PRRC2A: variants seen among roughly 807,000 people sequenced by gnomAD.
PRRC2A encodes proline rich coiled-coil 2A.
PRRC2A carries 59 observed loss-of-function variants against 224.6 expected under a neutral mutation model. The ratio of observed to expected loss-of-function variants is 0.26; its 90% CI spans 0.21 to 0.33. PRRC2A has a LOEUF of 0.33. Ranked by LOEUF, PRRC2A falls within the 10% of genes least tolerant of loss-of-function variation. PRRC2A has a pLI of 1.00. For synonymous variants in PRRC2A, 1,194 were observed against 1,109.5 expected, an observed-to-expected ratio of 1.08 and a Z score of -1.51; for missense variants, 3,095 against 2,880.7, an observed-to-expected ratio of 1.07 and a Z score of -1.70.
rs372359057 is a variant in PRRC2A, at chr6:31,631,131, C to G, written c.2466-8C>G. On this transcript the variant is annotated splice_polypyrimidine_tract_variant and splice_region_variant and intron_variant, in intron 15 of 30. Transcript: ENST00000376033. This position sits in a 1 kb window ranked among gnomAD's most constrained non-coding sequence, Gnocchi z 4.5. ...ACTTATTTCCATTCTTTCTGTCTGTCTCTTCAGGAGCGAGACTCCTCCAGT... is the reference window on the plus strand; with the variant it reads ...ACTTATTTCCATTCTTTCTGTCTGTGTCTTCAGGAGCGAGACTCCTCCAGT... 1.3e-6 allele frequency: 2 copies of G among 1,483,316 alleles called. No homozygotes were observed. The highest frequency in any genetic ancestry group is 2.3e-5 in the Admixed American group (1 of 43,836). The allele number at this position is 1,483,316 out of a possible 1,614,324, so 91.9% of individuals were successfully genotyped here.
In PRRC2A at chr6:31,636,546, T is replaced by C. The variant is rs1777370358; in HGVS notation, c.5872T>C (p.Ser1958Pro). The C allele has an allele frequency of 1.2e-6, 2 of 1,609,460 alleles. No individual in the cohort carries two copies. Among genetic ancestry groups the C allele is most frequent in the Non-Finnish European group, 1.7e-6 (2 of 1,178,330 alleles). ...TCTGCCATCCCCTTCGGATTTTTAT[T>C]CTACTCCTCTGCAGCCTGGTGGCCA... ...QDLPSPSDFY[S>P]TPLQPGGQSG... The change falls in exon 27 of 31, where the codon TCT becomes CCT. Residue 1958 changes from serine (S) to proline (P), a missense_variant. Physicochemically the swap from Ser to Pro is moderately conservative, Grantham distance 74. Around this residue, in one of 8 missense-constraint regions of PRRC2A, gnomAD observed 662 missense variants for 609.5 expected, o/e 1.09. Transcript: ENST00000376033. The surrounding 1 kb of genome is among the most constrained non-coding windows in gnomAD (Gnocchi z 4.3).
rs1776024728 is a variant in PRRC2A at position 31,627,291 on chromosome 6, G to T, written c.1290+93G>T. The T allele has an allele frequency of 7.3e-6, 7 of 961,120 alleles. No individual in the cohort carries two copies. The highest frequency in any genetic ancestry group is 3.2e-5 in the South Asian group (2 of 62,374). The allele number at this position is 961,120 out of a possible 1,614,324, so 59.5% of individuals were successfully genotyped here. ...GCGGTTGTGATATAGAGGAAGGGGGGTGCTAAAAATGGGCTGTGTGAAGTG... is the reference window on the plus strand; with the variant it reads ...GCGGTTGTGATATAGAGGAAGGGGGTTGCTAAAAATGGGCTGTGTGAAGTG... On this transcript the variant is annotated intron_variant, in intron 11 of 30. Transcript: ENST00000376033. The surrounding 1 kb of genome is among the most constrained non-coding windows in gnomAD (Gnocchi z 5.6).
Position 31,632,804 on chromosome 6 carries a change from C to A in PRRC2A, c.4131C>A (p.Ala1377=), listed in dbSNP as rs766469871. ...CCCGCGGAGATCTGAGCCAGAGAGC[C>A]AAGGATTTGAGTAAACGGAGCTTCT... The part of the protein sequence containing the change: ...AMSRGDLSQR[A]KDLSKRSFSS... The change falls in exon 16 of 31, where the codon GCC becomes GCA. Residue 1377 remains alanine, a synonymous_variant. Coordinates refer to ENST00000376033, the MANE Select transcript of PRRC2A (RefSeq NM_004638.4). The A allele has an allele frequency of 1.2e-5, 19 of 1,612,984 alleles. No individual in the cohort carries two copies. The highest frequency in any genetic ancestry group is 1.4e-5 in the Non-Finnish European group (17 of 1,180,020).
At position 31,625,387 on chromosome 6, in the gene PRRC2A, T is replaced by G; in HGVS notation, c.607+73T>G. 1 of 1,612,778 alleles carries G rather than the reference T, an allele frequency of 6.2e-7. No homozygotes were observed. Among genetic ancestry groups the G allele is most frequent in the South Asian group, 1.1e-5 (1 of 91,040 alleles). ...CTAGGTGCTGGCTTATTCACCTTCCTCCCCATCACTTTCAGCTGTGTTCAC... is the reference window on the plus strand; with the variant it reads ...CTAGGTGCTGGCTTATTCACCTTCCGCCCCATCACTTTCAGCTGTGTTCAC... On this transcript the variant is annotated intron_variant, in intron 6 of 30. Transcript: ENST00000376033. This position sits in a 1 kb window ranked among gnomAD's most constrained non-coding sequence, Gnocchi z 4.1.
chr6:31,636,501 T>G lies in PRRC2A; in HGVS notation c.5836-9T>G, dbSNP rs764820193. 3 of 1,608,968 alleles carry G rather than the reference T, an allele frequency of 1.9e-6. No homozygotes were observed. The highest frequency in any genetic ancestry group is 2.2e-5 in the East Asian group (1 of 44,770). ...GGGGGTTGATATATTTCTCCCTGTT[T>G]CCCGACAGGTACGCCAGGATCTGCC... On this transcript the variant is annotated splice_polypyrimidine_tract_variant and intron_variant, in intron 26 of 30. Coordinates refer to ENST00000376033, the MANE Select transcript of PRRC2A (RefSeq NM_004638.4). This position sits in a 1 kb window ranked among gnomAD's most constrained non-coding sequence, Gnocchi z 4.3.
Position 31,631,159 on chromosome 6 carries a change from C to A in PRRC2A, c.2486C>A (p.Pro829His). The A allele has an allele frequency of 6.5e-7, 1 of 1,536,290 alleles. No homozygotes were observed. The highest frequency in any genetic ancestry group is 1.2e-5 in the South Asian group (1 of 80,352). The part of the protein sequence containing the change: ...KGMRSETPPV[P>H]PPPPYLASYP... ...TTCAGGAGCGAGACTCCTCCAGTAC[C>A]TCCCCCACCACCCTATCTGGCCAGT... The change falls in exon 16 of 31, where the codon CCT becomes CAT. Residue 829 changes from proline (P) to histidine (H), a missense_variant. Coordinates refer to ENST00000376033, the MANE Select transcript of PRRC2A (RefSeq NM_004638.4). This position sits in a 1 kb window ranked among gnomAD's most constrained non-coding sequence, Gnocchi z 4.5.
chr6:31,626,905 T>G (rs1452705892), intron 10 of PRRC2A, 43 bp downstream of exon 10: 1 of 1,612,256 alleles, frequency 6.2e-7, no homozygotes, highest in African/African-American at 1.3e-5. Flanking sequence ...GGGTCTTGGT[T>G]TGTATTTTGG....
In PRRC2A at chr6:31,634,945, C is replaced by G; in HGVS notation, c.5128C>G (p.Pro1710Ala). ...GPPGSEPPRR[P>A]PPAPHDGDRK... The stretch of plus-strand genomic sequence containing the variant: ...ACCTGGCTCTGAACCTCCTAGGAGA[C>G]CACCACCTGCCCCCCACGATGGGGA... The change falls in exon 21 of 31, where the codon CCA becomes GCA. Residue 1710 changes from proline (P) to alanine (A), a missense_variant. Physicochemically the swap from Pro to Ala is conservative, Grantham distance 27 (BLOSUM62 -1). Around this residue, in one of 8 missense-constraint regions of PRRC2A, gnomAD observed 662 missense variants for 609.5 expected, o/e 1.09. Transcript: ENST00000376033. The G allele has an allele frequency of 1.2e-6, 2 of 1,612,762 alleles. No homozygotes were observed. The highest frequency in any genetic ancestry group is 2.2e-5 in the South Asian group (2 of 91,076).
Position 31,631,067 on chromosome 6 carries a change from A to G in PRRC2A, c.2466-72A>G. ...GTAAAAGAGAGTCTGCATCATAATA[A>G]AGTGTTCTTTTCCCACCTAGTTCTG... On this transcript the variant is annotated intron_variant, in intron 15 of 30. Transcript: ENST00000376033. This position sits in a 1 kb window ranked among gnomAD's most constrained non-coding sequence, Gnocchi z 4.5. 1 of 1,375,766 alleles carries G rather than the reference A, an allele frequency of 7.3e-7. No homozygotes were observed. The highest frequency in any genetic ancestry group is 1.4e-5 in the South Asian group (1 of 71,200). The allele number at this position is 1,375,766 out of a possible 1,614,324, so 85.2% of individuals were successfully genotyped here. A position where few individuals can be genotyped will look rare whatever the true frequency, so the allele number is the denominator to read the frequency against.
chr6:31,630,182 T>TG (rs1248826947), intron 14 of PRRC2A, among the ~76,000 whole-genome samples: 1 of 152,160 alleles, frequency 6.6e-6, no homozygotes, highest in Non-Finnish European at 1.5e-5. Flanking sequence ...GCCGGCGTGG[T>TG]GGCGCTCGCC....
At position 31,624,309 on chromosome 6, in the gene PRRC2A, T is replaced by C; in HGVS notation, c.339T>C (p.Ala113=). 6.2e-7 allele frequency: 1 copy of C among 1,613,964 alleles called. No homozygotes were observed. Among genetic ancestry groups the C allele is most frequent in the Non-Finnish European group, 8.5e-7 (1 of 1,180,002 alleles). The change falls in exon 4 of 31, where the codon GCT becomes GCC. Residue 113 remains alanine, a synonymous_variant. Transcript: ENST00000376033. ...AQPPESQPLP[A]SQTPASNQPK... ...CGCCGGAATCGCAGCCACTGCCGGC[T>C]TCACAGACGCCTGCCTCCAACCAGC...
At position 31,633,652 on chromosome 6, in the gene PRRC2A, G is replaced by A. The variant is rs1252570633; in HGVS notation, c.4588+5G>A. On this transcript the variant is annotated splice_donor_5th_base_variant and intron_variant, in intron 17 of 30. Coordinates refer to ENST00000376033, the MANE Select transcript of PRRC2A (RefSeq NM_004638.4). ...TCAACAGCGGCCTCAGTTCTGGTAA[G>A]CTGGAGGGGTTATGGGTGGGAATAT... The A allele has an allele frequency of 1.5e-5, 24 of 1,606,166 alleles. No homozygotes were observed. The highest frequency in any genetic ancestry group is 1.9e-5 in the Non-Finnish European group (22 of 1,176,110).
At chr6:31,626,303 A>T in intron 9 of PRRC2A, 141 bp downstream of exon 9, 41 of 1,094,952 alleles carry the variant, frequency 3.7e-5, no homozygotes, top group Non-Finnish European at 5.3e-5. Context: ...CTGTAATCCC[A>T]GTGCTTTGGG....
chr6:31,626,153 G>C lies in PRRC2A; in HGVS notation c.973G>C (p.Gly325Arg). ...FDQLDQENDDGWAGAHEEVDY... is the reference protein window; with the variant it reads ...FDQLDQENDDRWAGAHEEVDY... The stretch of plus-strand genomic sequence containing the variant: ...TCAGTTGGATCAGGAGAATGATGAT[G>C]GTTGGGCAGGTAAGTGGATATTAAG... The change falls in exon 9 of 31, where the codon GGT (glycine) becomes CGT (arginine). Residue 325 changes from glycine (G) to arginine (R), a missense_variant. Physicochemically the swap from Gly to Arg is moderately radical, Grantham distance 125. Transcript: ENST00000376033. 6.2e-7 allele frequency: 1 copy of C among 1,612,236 alleles called. No homozygotes were observed. Among genetic ancestry groups the C allele is most frequent in the Non-Finnish European group, 8.5e-7 (1 of 1,179,686 alleles).
Position 31,632,516 on chromosome 6 carries a change from C to G in PRRC2A, c.3843C>G (p.Ala1281=). ...SEGKPSLTLP[A]SAPGPEEALT... ...GCAAGCCCTCCCTAACCCTTCCAGC[C>G]TCCGCTCCTGGACCTGAGGAGGCCC... Residue 1281 remains alanine (A), a synonymous_variant, in exon 16 of 31, where the codon GCC becomes GCG. Transcript: ENST00000376033. The G allele has an allele frequency of 1.2e-6, 2 of 1,608,774 alleles. No individual in the cohort carries two copies. The highest frequency in any genetic ancestry group is 2.2e-5 in the South Asian group (2 of 90,760).
chr6:31,630,893 T>G, intron 15 of PRRC2A, 92 bp downstream of exon 15: 3 of 1,475,880 alleles, frequency 2.0e-6, no homozygotes, highest in Non-Finnish European at 2.8e-6. Context: ...GGGATAGGGA[T>G]GAACGGGAAA....
chr6:31,628,369 T>C, intron 12 of PRRC2A, 130 bp downstream of exon 12: 2 of 1,390,066 alleles, frequency 1.4e-6, no homozygotes, highest in Non-Finnish European at 1.9e-6. Flanking sequence ...CTATCAGTGA[T>C]AGTGTTCTAT....
chr6:31,627,658 T>G lies in PRRC2A; in HGVS notation c.1291-107T>G. The G allele has an allele frequency of 6.4e-6, 9 of 1,398,194 alleles. No individual in the cohort carries two copies. Among genetic ancestry groups the G allele is most frequent in the Non-Finnish European group, 8.7e-6 (9 of 1,040,352 alleles). 86.6% of individuals were successfully genotyped at this position (1,398,194 alleles called of 1,614,324 possible). A position where few individuals can be genotyped will look rare whatever the true frequency, so the allele number is the denominator to read the frequency against. ...ACCCAGAGAGATCAACCCCAAAGCC[T>G]GGGTCGTTGCATCCTGCAAGTAGCG... On this transcript the variant is annotated intron_variant, in intron 11 of 30. Coordinates refer to ENST00000376033, the MANE Select transcript of PRRC2A (RefSeq NM_004638.4). This position sits in a 1 kb window ranked among gnomAD's most constrained non-coding sequence, Gnocchi z 5.6.
Position 31,633,527 on chromosome 6 carries a change from G to C in PRRC2A, c.4468G>C (p.Val1490Leu). The C allele has an allele frequency of 6.2e-7, 1 of 1,613,116 alleles. No individual in the cohort carries two copies. Among genetic ancestry groups the C allele is most frequent in the East Asian group, 2.2e-5 (1 of 44,890 alleles). The change falls in exon 17 of 31, where the codon GTA becomes CTA. Residue 1490 changes from valine to leucine, a missense_variant. Coordinates refer to ENST00000376033, the MANE Select transcript of PRRC2A (RefSeq NM_004638.4). The stretch of plus-strand genomic sequence containing the variant: ...CCAGCTTAGTAGCCGTCAAGGGAGT[G>C]TAACTGCACCAGGGGGTCATCCAAG... ...LAQLSSRQGS[V>L]TAPGGHPRHK...
Sources: allele counts gnomAD v4.1 joint callset (sites outside exome capture counted in the v4.1 genomes callset), GRCh38; gene constraint gnomAD v4.1.1; regional missense constraint gnomAD v4.1.1; non-coding constraint Gnocchi (gnomAD v3.1); transcripts MANE v1.5; gene names NCBI Gene and HGNC (gene_info 2026-07-23, HGNC 2026-07-21).